The following COBL variants were observed in gnomAD, a reference collection of about 807,000 sequenced individuals.
COBL encodes the protein protein cordon-bleu.
In COBL, 51 loss-of-function variants were observed where a neutral mutation model predicts 98.8. That is an observed-to-expected ratio of 0.52 (90% CI 0.41 to 0.65). The LOEUF (loss-of-function observed/expected upper bound fraction) is 0.65. Among genes scored for constraint, COBL ranks in the 30% least tolerant of loss-of-function variants. COBL has a pLI of 0.00. For synonymous variants in COBL, 634 were observed against 651.7 expected, an observed-to-expected ratio of 0.97 and a Z score of 0.41; for missense variants, 1,617 against 1,617.5, an observed-to-expected ratio of 1.00 and a Z score of 0.01.
chr7:51,222,210 T>TAATAAA (rs1433855233), intron 1 of COBL, among the ~76,000 whole-genome samples: 13 of 151,746 alleles, frequency 8.6e-5, no homozygotes, highest in Middle Eastern at 6.8e-3. Context: ...ATAATAATAA[T>TAATAAA]AAAATAACAT....
At chr7:51,027,465 G>A (rs1787686741) in intron 10 of COBL, among the ~76,000 whole-genome samples, 1 of 152,200 alleles carries the variant, frequency 6.6e-6, no homozygotes, top group South Asian at 2.1e-4. Context: ...TTTCCCACAG[G>A]GCAGCCAGGG....
chr7:51,159,716 C>T (rs1193701253), intron 5 of COBL, among the ~76,000 whole-genome samples: 1 of 151,940 alleles, frequency 6.6e-6, no homozygotes, highest in East Asian at 1.9e-4. Flanking sequence ...CCTCCGAGAA[C>T]TGGTACTGGC....
chr7:51,178,298 T>A (rs1446846114), intron 5 of COBL, among the ~76,000 whole-genome samples: 1 of 152,080 alleles, frequency 6.6e-6, no homozygotes, highest in Non-Finnish European at 1.5e-5. Flanking sequence ...AAATGATAGA[T>A]AAAACTAAAT....
At chr7:51,176,883 A>G (rs1788427055) in intron 5 of COBL, among the ~76,000 whole-genome samples, 1 of 152,212 alleles carries the variant, frequency 6.6e-6, no homozygotes, top group Admixed American at 6.5e-5. Context: ...CTTATAAGTA[A>G]ATCAGTTCTC....
intron 6 of COBL, among the ~76,000 whole-genome samples, chr7:51,108,278 A>G (rs1401971572): frequency 1.3e-5 from 2 of 151,778 alleles, no homozygotes; most frequent in South Asian, 2.1e-4. Context: ...TTGTATCATG[A>G]TATCTGGCTT....
chr7:51,105,600 A>AATT (rs1796187181), intron 6 of COBL, among the ~76,000 whole-genome samples: 6 of 151,880 alleles, frequency 4.0e-5, no homozygotes, highest in African/African-American at 1.2e-4. Flanking sequence ...AATACAAACA[A>AATT]ATTAGCTGGG....
intron 7 of COBL, among the ~76,000 whole-genome samples, chr7:51,080,364 T>TATTTCTCCTTTTTAACA (rs1793522890): frequency 6.6e-6 from 1 of 152,232 alleles, no homozygotes; most frequent in Admixed American, 6.5e-5. Flanking sequence ...AAGTGGAGTA[T>TATTTCTCCTTTTTAACA]ACCATCTGCT....
At chr7:51,265,933 C>T (rs769485243) in intron 1 of COBL, among the ~76,000 whole-genome samples, 121 of 152,022 alleles carry the variant, frequency 8.0e-4, no homozygotes, top group Non-Finnish European at 1.5e-3. Context: ...TCCAGTGGAT[C>T]GATGTGATCC....
At chr7:51,285,181 G>A (rs560386114) in intron 1 of COBL, among the ~76,000 whole-genome samples, 37 of 152,032 alleles carry the variant, frequency 2.4e-4, no homozygotes, top group African/African-American at 8.7e-4. Context: ...TCCTGACCTC[G>A]TGATCCACCC....
rs530517129 is a variant in COBL at position 51,018,022 on chromosome 7, T to C, written c.3769-454A>G. 8.5e-5 allele frequency among the ~76,000 whole-genome samples: 13 copies of C among 152,334 alleles called. No individual in the cohort carries two copies. The South Asian group carries it at 2.5e-3, about 29-fold the overall frequency. Reference sequence around the variant, plus strand: ...GACATACCCATAATAATGACAATAATAAACTGCTTGTTTGGTTAAGCTGAT... The same window carrying C: ...GACATACCCATAATAATGACAATAACAAACTGCTTGTTTGGTTAAGCTGAT... On this transcript the variant is annotated intron_variant, in intron 12 of 12. Transcript: ENST00000265136.
At position 51,017,369 on chromosome 7, in the gene COBL, A is replaced by T; in HGVS notation, c.*182T>A. 1 of 647,442 alleles carries T rather than the reference A, an allele frequency of 1.5e-6. No individual in the cohort carries two copies. The allele number at this position is 647,442 out of a possible 1,614,324, so 40.1% of individuals were successfully genotyped here. A position where few individuals can be genotyped will look rare whatever the true frequency, so the allele number is the denominator to read the frequency against. On this transcript the variant is annotated 3_prime_UTR_variant, in exon 13 of 13. Coordinates refer to ENST00000265136, the MANE Select transcript of COBL (RefSeq NM_015198.5). Reference sequence around the variant, plus strand: ...TGGCACACGAGCTGCGCAGCGACACAGCATCTTCTCCTTTCCTTTCAAGCC... The same window carrying T: ...TGGCACACGAGCTGCGCAGCGACACTGCATCTTCTCCTTTCCTTTCAAGCC...
intron 7 of COBL, chr7:51,071,989 A>G (rs570204830): frequency 1.3e-5 from 2 of 151,912 alleles, no homozygotes; most frequent in East Asian, 1.9e-4. Context: ...TTTTTCACCA[A>G]TACATAGCAC....
chr7:51,076,738 T>G (rs772984650), intron 7 of COBL, among the ~76,000 whole-genome samples: 1 of 152,290 alleles, frequency 6.6e-6, no homozygotes, highest in East Asian at 1.9e-4. Context: ...CAGGAGACAA[T>G]GACCTATCTT....
At chr7:51,105,535 G>A (rs2128968269) in intron 6 of COBL, among the ~76,000 whole-genome samples, 1 of 152,306 alleles carries the variant, frequency 6.6e-6, no homozygotes. Context: ...AATCACTTGA[G>A]CCCAGGAATT....
At chr7:51,110,185 G>C (rs1325834451) in intron 6 of COBL, among the ~76,000 whole-genome samples, 5 of 152,076 alleles carry the variant, frequency 3.3e-5, no homozygotes. Flanking sequence ...ATCCGACTAT[G>C]CTACCAAACA....
At chr7:51,232,694 C>T (rs1794872229) in intron 1 of COBL, among the ~76,000 whole-genome samples, 1 of 152,004 alleles carries the variant, frequency 6.6e-6, no homozygotes, top group Admixed American at 6.6e-5. Flanking sequence ...ATCTGTAGTC[C>T]CAGACACTTG....
At chr7:51,110,313 A>G (rs979415798) in intron 6 of COBL, among the ~76,000 whole-genome samples, 3 of 152,176 alleles carry the variant, frequency 2.0e-5, no homozygotes, top group Admixed American at 2.0e-4. Context: ...CTCTACCTTC[A>G]TGAGATCCAC....
chr7:51,230,979 G>A (rs528109573), intron 1 of COBL, among the ~76,000 whole-genome samples: 22 of 152,268 alleles, frequency 1.4e-4, no homozygotes, highest in Admixed American at 4.6e-4. Context: ...GGGGTACTAC[G>A]GGAGAGAAGA....
chr7:51,080,163 G>A (rs1793496572), intron 7 of COBL, among the ~76,000 whole-genome samples: 1 of 152,114 alleles, frequency 6.6e-6, no homozygotes, highest in Admixed American at 6.5e-5. Flanking sequence ...GGGAATGGCT[G>A]GAACAGAATG....
Sources: allele counts gnomAD v4.1 joint callset (sites outside exome capture counted in the v4.1 genomes callset), GRCh38; gene constraint gnomAD v4.1.1; transcripts MANE v1.5; gene names NCBI Gene and HGNC (gene_info 2026-07-23, HGNC 2026-07-21).